Variants in APBB2 observed in about 807,000 individuals in gnomAD.
APBB2 encodes Fe65-like 1.
A neutral mutation model predicts 82.5 loss-of-function variants in APBB2; 38 were observed. The ratio of observed to expected loss-of-function variants is 0.46; its 90% CI spans 0.36 to 0.60. The LOEUF (loss-of-function observed/expected upper bound fraction) is 0.60, where lower values mean the gene tolerates loss of function less well. Ranked by LOEUF, APBB2 falls within the 20% of genes least tolerant of loss-of-function variation. APBB2 has a pLI of 0.00. For missense variants in APBB2, 772 were observed against 972.3 expected (o/e 0.79, Z 2.74); for synonymous variants, 341 against 368.2 (o/e 0.93, Z 0.85).
At chr4:40,986,513 A>ATT in intron 6 of APBB2, among the ~76,000 whole-genome samples, 1 of 152,356 alleles carries the variant, frequency 6.6e-6, no homozygotes, top group East Asian at 1.9e-4. Context: ...TTGCCTGGAC[A>ATT]TTACATTGCT....
chr4:40,929,103 G>A (rs568821308), intron 10 of APBB2, among the ~76,000 whole-genome samples: 31 of 151,608 alleles, frequency 2.0e-4, no homozygotes, highest in Non-Finnish European at 3.2e-4. Context: ...GATTCTGTAG[G>A]ATACAACATG....
At chr4:40,865,859 C>G (rs62410283) in intron 12 of APBB2, among the ~76,000 whole-genome samples, 62,716 of 152,058 alleles carry the variant, frequency 0.41, 13,642 homozygotes, top group African/African-American at 0.56. Flanking sequence ...TGGAAAATGC[C>G]GATTAAAACC....
At chr4:41,104,547 T>G (rs1746510332) in intron 2 of APBB2, among the ~76,000 whole-genome samples, 2 of 152,212 alleles carry the variant, frequency 1.3e-5, no homozygotes, top group Non-Finnish European at 2.9e-5. Context: ...ATAAATTGTG[T>G]GTCGTGGGGG....
chr4:40,990,265 C>CTA (rs982631629), intron 6 of APBB2: 2 of 151,636 alleles, frequency 1.3e-5, no homozygotes, highest in African/African-American at 4.8e-5. Context: ...ATACCAGGTG[C>CTA]TATAGGCTTT....
In APBB2 at chr4:40,847,870, G is replaced by T. The variant is rs192192458; in HGVS notation, c.1530-17293C>A. ...TGCCCAGGCAGGAGTCCAGTAGCAC[G>T]ATCATAGCTTACTGCATCCTCAAAC... On this transcript the variant is annotated intron_variant, in intron 12 of 17. Coordinates refer to ENST00000508593, the MANE Select transcript of APBB2 (RefSeq NM_004307.2). Among the ~76,000 whole-genome samples the T allele has an allele frequency of 3.4e-4, 52 of 151,604 alleles. 1 individual carries two copies. Among genetic ancestry groups the T allele is most frequent in the African/African-American group, 1.2e-3 (49 of 41,276 alleles).
At chr4:41,001,670 G>T (rs1805274559) in intron 6 of APBB2, among the ~76,000 whole-genome samples, 1 of 152,110 alleles carries the variant, frequency 6.6e-6, no homozygotes, top group African/African-American at 2.4e-5. Flanking sequence ...CTACGGTCGG[G>T]AGTTCAAGAC....
Position 40,830,917 on chromosome 4 carries a change from C to T in APBB2, c.1530-340G>A, listed in dbSNP as rs527273303. 6.5e-4 allele frequency among the ~76,000 whole-genome samples: 99 copies of T among 151,762 alleles called. 1 individual carries two copies. Among genetic ancestry groups the T allele is most frequent in the Non-Finnish European group, 1.2e-3 (84 of 67,934 alleles). ...ACAGTGAAACCACTATCAAAAAAAA[C>T]CAAAACCAAAAAAAAACAAAAAACA... On this transcript the variant is annotated intron_variant, in intron 12 of 17. Transcript: ENST00000508593.
chr4:41,050,302 C>T (rs1725466414), intron 4 of APBB2, among the ~76,000 whole-genome samples: 1 of 152,110 alleles, frequency 6.6e-6, no homozygotes, highest in Non-Finnish European at 1.5e-5. Context: ...AAGAGAGATG[C>T]TTAGAATTCC....
At chr4:41,080,304 GCAGA>G (rs1737131867) in intron 3 of APBB2, among the ~76,000 whole-genome samples, 1 of 152,192 alleles carries the variant, frequency 6.6e-6, no homozygotes, top group Non-Finnish European at 1.5e-5. Context: ...CACAAATTTT[GCAGA>G]CAAAGCTAGA....
intron 13 of APBB2, among the ~76,000 whole-genome samples, chr4:40,829,643 T>C (rs1244089888): frequency 6.6e-6 from 1 of 150,684 alleles, no homozygotes; most frequent in African/African-American, 2.5e-5. Context: ...AACCTCCTCC[T>C]GAAAAGCAAG....
intron 2 of APBB2, chr4:41,137,999 T>C (rs1758050101): frequency 6.6e-6 from 1 of 152,024 alleles, no homozygotes; most frequent in South Asian, 2.1e-4. Flanking sequence ...AAACCCCGTC[T>C]CTATCAAAAA....
intron 1 of APBB2, among the ~76,000 whole-genome samples, chr4:41,205,049 C>A (rs188601596): frequency 7.9e-5 from 12 of 152,314 alleles, no homozygotes; most frequent in Non-Finnish European, 1.5e-4. Context: ...CACATAGAAA[C>A]TGCCACCTCA....
chr4:41,133,093 T>TA (rs769167531), intron 2 of APBB2, among the ~76,000 whole-genome samples: 29 of 152,212 alleles, frequency 1.9e-4, no homozygotes, highest in Non-Finnish European at 2.5e-4. Context: ...AAGGGAATGG[T>TA]AATCACATTG....
At chr4:41,056,206 T>A (rs1727807135) in intron 4 of APBB2, among the ~76,000 whole-genome samples, 1 of 151,838 alleles carries the variant, frequency 6.6e-6, no homozygotes. Flanking sequence ...TAAATAAATA[T>A]AAAAAATAAA....
chr4:41,182,136 C>T (rs969410442), intron 1 of APBB2, among the ~76,000 whole-genome samples: 1 of 152,106 alleles, frequency 6.6e-6, no homozygotes, highest in African/African-American at 2.4e-5. Flanking sequence ...CTCCGCATCT[C>T]CAGGATAAAC....
chr4:41,020,357 G>A (rs945729154), intron 5 of APBB2, among the ~76,000 whole-genome samples: 2 of 152,164 alleles, frequency 1.3e-5, no homozygotes, highest in African/African-American at 2.4e-5. Flanking sequence ...CAGGACAATA[G>A]ATGGTTCCTC....
In APBB2 at chr4:40,881,528, C is replaced by CTTTTTTTTTTTTTTTTTTTTTTTTTTTT. The variant is rs148967363; in HGVS notation, c.1529+8835_1529+8836insAAAAAAAAAAAAAAAAAAAAAAAAAAAA. On this transcript the variant is annotated intron_variant, in intron 12 of 17. Coordinates refer to ENST00000508593, the MANE Select transcript of APBB2 (RefSeq NM_004307.2). ...TTTCTTTCCTTTTATCTTTTCTTTT[C>CTTTTTTTTTTTTTTTTTTTTTTTTTTTT]TTTTTCTTTTTTTTTTTTTTTTTGA... is the stretch of plus-strand genomic sequence containing the variant. 3.2e-5 allele frequency: 5 copies of CTTTTTTTTTTTTTTTTTTTTTTTTTTTT among 154,426 alleles called. 1 individual carries two copies. The Admixed American group carries it at 4.4e-4, about 13-fold the overall frequency. 9.6% of individuals were successfully genotyped at this position (154,426 alleles called of 1,614,324 possible). A position where few individuals can be genotyped will look rare whatever the true frequency, so the allele number is the denominator to read the frequency against.
At chr4:40,994,860 G>C (rs1803194908) in intron 6 of APBB2, among the ~76,000 whole-genome samples, 1 of 147,610 alleles carries the variant, frequency 6.8e-6, no homozygotes. Context: ...GAAGGAAGGA[G>C]AGAGAGAAGG....
At chr4:41,021,174 T>C (rs1449133474) in intron 5 of APBB2, among the ~76,000 whole-genome samples, 3 of 152,138 alleles carry the variant, frequency 2.0e-5, no homozygotes, top group African/African-American at 4.8e-5. Context: ...AACTAACAAC[T>C]TCTACCGAGG....
Sources: gnomAD v4.1 joint callset for allele counts (sites outside exome capture counted in the v4.1 genomes callset) on GRCh38, gnomAD v4.1.1 for gene constraint, MANE v1.5 for transcripts, NCBI Gene and HGNC (gene_info 2026-07-23, HGNC 2026-07-21) for gene names.